Variants in NFATC1 observed in about 807,000 individuals in gnomAD.
NFATC1 encodes nuclear factor of activated T-cells, cytoplasmic 1.
In NFATC1, 22 loss-of-function variants were observed where a neutral mutation model predicts 76.0. The ratio of observed to expected loss-of-function variants is 0.29; its 90% CI spans 0.21 to 0.41. The LOEUF (loss-of-function observed/expected upper bound fraction) is 0.41, where lower values mean the gene tolerates loss of function less well. Among genes scored for constraint, NFATC1 ranks in the 10% least tolerant of loss-of-function variants. The probability of loss-of-function intolerance (pLI) is 1.00; values close to 1 mark genes in which losing one functional copy is unlikely to be tolerated. For missense variants in NFATC1, 1,357 were observed against 1,337.7 expected (o/e 1.01, Z -0.23); for synonymous variants, 704 against 613.1 (o/e 1.15, Z -2.19).
chr18:79,527,843 G>A lies in NFATC1; in HGVS notation c.*266G>A, dbSNP rs747010944. ...CCGGGCTGAGCACGGGAGACCCACC[G>A]TGCAGGGGCCTTTCATGGGAACGGC... On this transcript the variant is annotated 3_prime_UTR_variant, in exon 10 of 10. Coordinates refer to ENST00000427363, the MANE Select transcript of NFATC1 (RefSeq NM_001278669.2). The A allele has an allele frequency of 1.1e-4, 60 of 524,142 alleles. No homozygotes were observed. Among genetic ancestry groups the A allele is most frequent in the Admixed American group, 3.5e-4 (11 of 31,108 alleles). 32.5% of individuals were successfully genotyped at this position (524,142 alleles called of 1,614,324 possible).
chr18:79,400,762 G>A (rs1318058261), intron 1 of NFATC1, among the ~76,000 whole-genome samples: 1 of 14,850 alleles, frequency 6.7e-5, no homozygotes, highest in African/African-American at 4.5e-4. Flanking sequence ...CAGAGGCGGA[G>A]AAGCCCCAGC....
At chr18:79,449,780 G>A (rs545218566) in intron 4 of NFATC1, among the ~76,000 whole-genome samples, 9 of 152,336 alleles carry the variant, frequency 5.9e-5, no homozygotes, top group African/African-American at 2.2e-4. Context: ...CCGGGGGTGG[G>A]TGCAGAGGTC....
chr18:79,436,622 C>T (rs939953305), intron 3 of NFATC1, among the ~76,000 whole-genome samples: 3 of 152,222 alleles, frequency 2.0e-5, no homozygotes, highest in Admixed American at 1.3e-4. Flanking sequence ...GTGAGCAGAA[C>T]GCAGCACCTT....
At chr18:79,458,981 C>T (rs1282861827) in intron 6 of NFATC1, among the ~76,000 whole-genome samples, 1 of 152,240 alleles carries the variant, frequency 6.6e-6, no homozygotes, top group Non-Finnish European at 1.5e-5. Flanking sequence ...CCTGCCCTCA[C>T]CCTCACCCTG....
At chr18:79,402,886 A>G (rs2085314932) in intron 1 of NFATC1, among the ~76,000 whole-genome samples, 2 of 152,236 alleles carry the variant, frequency 1.3e-5, no homozygotes, top group South Asian at 4.1e-4. Flanking sequence ...AAACTACTTC[A>G]CGTTGTTTCT....
At chr18:79,452,704 C>T (rs1401198489) in intron 6 of NFATC1, among the ~76,000 whole-genome samples, 1 of 152,206 alleles carries the variant, frequency 6.6e-6, no homozygotes, top group Admixed American at 6.5e-5. Flanking sequence ...CAAGGGGGTT[C>T]AGGCAGAGTG....
chr18:79,397,880 AG>A (rs1374291955), intron 1 of NFATC1, among the ~76,000 whole-genome samples: 2 of 152,178 alleles, frequency 1.3e-5, no homozygotes, highest in Non-Finnish European at 2.9e-5. Context: ...CCCTGCTGCA[AG>A]GCAGTGCGCC....
intron 6 of NFATC1, among the ~76,000 whole-genome samples, chr18:79,453,175 C>T (rs533604967): frequency 3.4e-4 from 52 of 152,340 alleles, no homozygotes; most frequent in African/African-American, 1.2e-3. Flanking sequence ...CACGCGTTGG[C>T]GGAGAAACAC....
At chr18:79,430,222 T>A (rs1335439407) in intron 2 of NFATC1, among the ~76,000 whole-genome samples, 1 of 152,248 alleles carries the variant, frequency 6.6e-6, no homozygotes, top group Admixed American at 6.5e-5. Flanking sequence ...TTAGACTGCC[T>A]TATCTTTAGG....
Position 79,527,732 on chromosome 18 carries a change from C to T in NFATC1, c.*155C>T, listed in dbSNP as rs903790848. ...ACATTAATATGTGCAAAGATTGGCT[C>T]TCCAACAAGAAGGAAAGCAGGGAGG... On this transcript the variant is annotated 3_prime_UTR_variant, in exon 10 of 10. Coordinates refer to ENST00000427363, the MANE Select transcript of NFATC1 (RefSeq NM_001278669.2). 26 of 672,788 alleles carry T rather than the reference C, an allele frequency of 3.9e-5. No homozygotes were observed. The highest frequency in any genetic ancestry group is 6.4e-5 in the Non-Finnish European group (25 of 389,314). 41.7% of individuals were successfully genotyped at this position (672,788 alleles called of 1,614,324 possible).
At chr18:79,513,018 T>A (rs1312141897) in intron 9 of NFATC1, among the ~76,000 whole-genome samples, 2 of 152,226 alleles carry the variant, frequency 1.3e-5, no homozygotes, top group African/African-American at 4.8e-5. Flanking sequence ...AGAATTTCGC[T>A]AGAGACGCAG....
rs539555869 is a variant in NFATC1 at position 79,498,889 on chromosome 18, C to T, written c.2782+11952C>T. Among the ~76,000 whole-genome samples the T allele has an allele frequency of 1.6e-4, 24 of 152,278 alleles. No individual in the cohort carries two copies. The South Asian group carries it at 3.1e-3, about 20-fold the overall frequency. On this transcript the variant is annotated intron_variant, in intron 9 of 9. Coordinates refer to ENST00000427363, the MANE Select transcript of NFATC1 (RefSeq NM_001278669.2). ...CGCATTCAAAATGCTGAAAGAAAAC[C>T]ACTGTCAACCAAGAATTCTATATCT... is the stretch of plus-strand genomic sequence containing the variant.
At chr18:79,487,092 G>C (rs566199583) in intron 9 of NFATC1, among the ~76,000 whole-genome samples, 155 bp downstream of exon 9, 9 of 152,230 alleles carry the variant, frequency 5.9e-5, no homozygotes, top group Non-Finnish European at 1.2e-4. Flanking sequence ...TAAAGTGCCC[G>C]TGCGGTGCCA....
At chr18:79,415,019 C>T (rs181682348) in intron 2 of NFATC1, among the ~76,000 whole-genome samples, 9 of 152,310 alleles carry the variant, frequency 5.9e-5, no homozygotes, top group East Asian at 1.9e-4. Flanking sequence ...CTTCATCGTT[C>T]GGCCTCCTCC....
intron 9 of NFATC1, among the ~76,000 whole-genome samples, chr18:79,495,783 C>T (rs920695014): frequency 3.3e-5 from 5 of 151,696 alleles, no homozygotes; most frequent in South Asian, 2.1e-4. Context: ...GTCATTGTAA[C>T]GTAGGCAGGC....
intron 6 of NFATC1, 60 bp from the exon 7 acceptor site, chr18:79,461,251 T>G: frequency 1.6e-5 from 26 of 1,593,288 alleles, no homozygotes; most frequent in Non-Finnish European, 2.2e-5. Context: ...CGTGGGGGTG[T>G]CTGGGGAGGG....
chr18:79,444,037 C>T (rs2087092380), intron 3 of NFATC1, among the ~76,000 whole-genome samples: 1 of 152,216 alleles, frequency 6.6e-6, no homozygotes, highest in Admixed American at 6.5e-5. Context: ...TGTAGGGTTC[C>T]TGGAGGCCTC....
chr18:79,432,981 C>G (rs2086651332), intron 2 of NFATC1, among the ~76,000 whole-genome samples: 1 of 152,210 alleles, frequency 6.6e-6, no homozygotes, highest in Non-Finnish European at 1.5e-5. Context: ...AACAGCCTCC[C>G]ACAGCCCTCA....
Position 79,514,980 on chromosome 18 carries a change from G to T in NFATC1, c.2783-12548G>T, listed in dbSNP as rs76423934. 5.6e-3 allele frequency among the ~76,000 whole-genome samples: 844 copies of T among 152,046 alleles called. 12 individuals are homozygous for T. Among genetic ancestry groups the T allele is most frequent in the African/African-American group, 0.018 (760 of 41,438 alleles). ...TATTGCTTGAACCTGGGAGGTCGAG[G>T]CTGCAGTGAGCTGAGATCATTCCAC... On this transcript the variant is annotated intron_variant, in intron 9 of 9. Transcript: ENST00000427363.
Sources: allele counts gnomAD v4.1 joint callset (sites outside exome capture counted in the v4.1 genomes callset), GRCh38; gene constraint gnomAD v4.1.1; transcripts MANE v1.5; gene names NCBI Gene and HGNC (gene_info 2026-07-23, HGNC 2026-07-21).